Variants in CCDC63 observed in about 807,000 individuals in gnomAD.
The protein encoded by CCDC63 is coiled-coil domain-containing protein 63.
In CCDC63, 54 loss-of-function variants were observed where a neutral mutation model predicts 63.6. The ratio of observed to expected loss-of-function variants is 0.85; its 90% confidence interval spans 0.68 to 1.07. CCDC63 has a LOEUF of 1.07. Ranked by LOEUF, CCDC63 falls within the 50% of genes least tolerant of loss-of-function variation. The probability of loss-of-function intolerance (pLI) is 0.00; values close to 1 mark genes in which losing one functional copy is unlikely to be tolerated. For synonymous variants in CCDC63, 253 were observed against 266.1 expected, an observed-to-expected ratio of 0.95 and a Z score of 0.48; for missense variants, 637 against 689.6, an observed-to-expected ratio of 0.92 and a Z score of 0.86.
At chr12:110,874,159 C>A (rs2071102093) in intron 5 of CCDC63, among the ~76,000 whole-genome samples, 198 bp downstream of exon 5, 1 of 151,714 alleles carries the variant, frequency 6.6e-6, no homozygotes, top group South Asian at 2.1e-4. Flanking sequence ...TCCCCTCAAA[C>A]CCTTACCCGA....
intron 4 of CCDC63, among the ~76,000 whole-genome samples, chr12:110,862,841 C>T (rs1438722633): frequency 1.3e-5 from 2 of 151,836 alleles, no homozygotes; most frequent in African/African-American, 4.8e-5. Context: ...CTGCAACCTC[C>T]ACCTCTCAGA....
At chr12:110,901,165 G>T (rs2071481696) in intron 10 of CCDC63, among the ~76,000 whole-genome samples, 1 of 152,110 alleles carries the variant, frequency 6.6e-6, no homozygotes, top group African/African-American at 2.4e-5. Flanking sequence ...GTGGGTACAT[G>T]GTGTGTATTT....
At chr12:110,896,417 CTG>C (rs1400004540) in intron 9 of CCDC63, among the ~76,000 whole-genome samples, 2 of 152,194 alleles carry the variant, frequency 1.3e-5, no homozygotes, top group African/African-American at 2.4e-5. Flanking sequence ...GGTTGAGAGA[CTG>C]AGCTCAATTC....
At chr12:110,896,456 C>T (rs150451857) in intron 9 of CCDC63, among the ~76,000 whole-genome samples, 142 of 152,280 alleles carry the variant, frequency 9.3e-4, no homozygotes, top group South Asian at 4.8e-3. Flanking sequence ...GGCTGTATGC[C>T]TCAGAGCCTC....
intron 9 of CCDC63, among the ~76,000 whole-genome samples, chr12:110,893,953 G>A (rs1452561787): frequency 4.0e-5 from 6 of 149,080 alleles, no homozygotes; most frequent in East Asian, 2.0e-4. Context: ...AGCCGAGATC[G>A]TGTCACTGCA....
intron 4 of CCDC63, among the ~76,000 whole-genome samples, chr12:110,868,765 G>A (rs1406244499): frequency 1.6e-5 from 2 of 122,548 alleles, no homozygotes; most frequent in Non-Finnish European, 3.5e-5. Flanking sequence ...AAGGGGGAGG[G>A]GGAGGGAGAG....
chr12:110,876,058 A>G (rs2071125510), intron 5 of CCDC63, among the ~76,000 whole-genome samples: 1 of 149,132 alleles, frequency 6.7e-6, no homozygotes, highest in Non-Finnish European at 1.5e-5. Flanking sequence ...GTGAGCCGAG[A>G]TTGTGCCACT....
chr12:110,864,829 T>C (rs1328609516), intron 4 of CCDC63, among the ~76,000 whole-genome samples: 3 of 152,216 alleles, frequency 2.0e-5, no homozygotes, highest in Non-Finnish European at 4.4e-5. Context: ...AGGAAATGTT[T>C]TGTCTCATAT....
intron 4 of CCDC63, among the ~76,000 whole-genome samples, chr12:110,868,714 A>G (rs1336356269): frequency 1.2e-5 from 1 of 85,984 alleles, no homozygotes; most frequent in Non-Finnish European, 2.2e-5. Context: ...GACCGTGGGG[A>G]GAGGGAGAGG....
At chr12:110,894,726 C>T (rs1002128309) in intron 9 of CCDC63, among the ~76,000 whole-genome samples, 1 of 152,208 alleles carries the variant, frequency 6.6e-6, no homozygotes, top group South Asian at 2.1e-4. Context: ...AGAATCCAGA[C>T]TCTTGTTGAG....
At chr12:110,906,452 G>A (rs780398646) in intron 11 of CCDC63, among the ~76,000 whole-genome samples, 4 of 151,806 alleles carry the variant, frequency 2.6e-5, no homozygotes, top group Admixed American at 2.0e-4. Flanking sequence ...CTGGATGGTG[G>A]TTTGCAAATA....
intron 4 of CCDC63, among the ~76,000 whole-genome samples, chr12:110,866,649 C>G (rs2070953138): frequency 6.6e-6 from 1 of 151,508 alleles, no homozygotes; most frequent in African/African-American, 2.4e-5. Flanking sequence ...GGTCACAGAT[C>G]AACAGTATCC....
intron 2 of CCDC63, 87 bp from the exon 3 acceptor site, chr12:110,853,318 C>T (rs573503242): frequency 1.5e-6 from 2 of 1,336,480 alleles, no homozygotes; most frequent in South Asian, 2.8e-5. Context: ...CCAGCCACCC[C>T]CACTGCCCTT....
chr12:110,856,445 C>T (rs548988894), intron 3 of CCDC63, among the ~76,000 whole-genome samples: 3 of 152,110 alleles, frequency 2.0e-5, no homozygotes, highest in Non-Finnish European at 4.4e-5. Context: ...CAAAGACACT[C>T]GCCCCAGCTT....
chr12:110,847,655 A>AAAC (rs944740512), intron 1 of CCDC63, among the ~76,000 whole-genome samples: 18 of 152,144 alleles, frequency 1.2e-4, no homozygotes, highest in African/African-American at 3.4e-4. Flanking sequence ...AAAACAAGAA[A>AAAC]AACAACAACA....
intron 10 of CCDC63, among the ~76,000 whole-genome samples, chr12:110,904,235 G>C (rs962022991): frequency 6.6e-6 from 1 of 151,856 alleles, no homozygotes; most frequent in Non-Finnish European, 1.5e-5. Flanking sequence ...GCAGCTACTC[G>C]GAAGACTGAA....
chr12:110,882,559 T>C (rs1282475956), intron 7 of CCDC63, among the ~76,000 whole-genome samples: 2 of 151,416 alleles, frequency 1.3e-5, no homozygotes, highest in Non-Finnish European at 2.9e-5. Flanking sequence ...AGTGAGACCC[T>C]GTCTCTTAAA....
chr12:110,850,580 A>G (rs1347955590), intron 1 of CCDC63, among the ~76,000 whole-genome samples: 2 of 152,180 alleles, frequency 1.3e-5, no homozygotes, highest in Admixed American at 1.3e-4. Context: ...CGTCTCTACT[A>G]AAAATACAAA....
intron 10 of CCDC63, among the ~76,000 whole-genome samples, chr12:110,904,338 C>G (rs1041836486): frequency 2.6e-5 from 3 of 117,060 alleles, no homozygotes; most frequent in Admixed American, 2.5e-4. Context: ...CAGACCTTGT[C>G]AAAAAAAAAA....
Sources: gnomAD v4.1 joint callset for allele counts (sites outside exome capture counted in the v4.1 genomes callset) on GRCh38, gnomAD v4.1.1 for gene constraint, MANE v1.5 for transcripts, NCBI Gene and HGNC (gene_info 2026-07-23, HGNC 2026-07-21) for gene names.